The following C1GALT1 variants were observed in gnomAD, a reference collection of about 807,000 sequenced individuals.
The protein encoded by C1GALT1 is core 1 synthase, glycoprotein-N-acetylgalactosamine 3-beta-galactosyltransferase 1, also known as glycoprotein-N-acetylgalactosamine 3-beta-galactosyltransferase 1.
A neutral mutation model predicts 31.0 loss-of-function variants in C1GALT1; 11 were observed. That is an observed-to-expected ratio of 0.36 (90% CI 0.22 to 0.59). The LOEUF is 0.59. C1GALT1 is among the 20% of genes least tolerant of loss of function. The pLI, the probability that C1GALT1 is intolerant of heterozygous loss-of-function variation, is 0.79. For synonymous variants in C1GALT1, 175 were observed against 143.6 expected (o/e 1.22, Z -1.56); for missense variants, 424 against 425.2 (o/e 1.00, Z 0.03).
upstream of C1GALT1, among the ~76,000 whole-genome samples, chr7:7,179,269 T>C (rs1042604200): frequency 2.6e-5 from 4 of 152,218 alleles, no homozygotes; most frequent in Admixed American, 6.5e-5. Flanking sequence ...ATTCTATTCA[T>C]GAGAACAAGT....
chr7:7,223,605 A>G (rs1782612866), intron 1 of C1GALT1, among the ~76,000 whole-genome samples: 2 of 152,062 alleles, frequency 1.3e-5, no homozygotes, highest in African/African-American at 2.4e-5. Flanking sequence ...TGTGTATCTT[A>G]TATCCTGTGA....
chr7:7,236,526 T>G (rs1206237320), intron 2 of C1GALT1, among the ~76,000 whole-genome samples: 1 of 152,004 alleles, frequency 6.6e-6, no homozygotes, highest in Non-Finnish European at 1.5e-5. Flanking sequence ...GAATTTTTAT[T>G]TTTTATTTTT....
At chr7:7,186,440 GCAT>G (rs1583743465) in intron 1 of C1GALT1, among the ~76,000 whole-genome samples, 1 of 152,180 alleles carries the variant, frequency 6.6e-6, no homozygotes, top group Non-Finnish European at 1.5e-5. Flanking sequence ...TGGATCTGCA[GCAT>G]CATCATCACC....
chr7:7,214,713 G>T (rs182483480), intron 1 of C1GALT1, among the ~76,000 whole-genome samples: 48 of 152,276 alleles, frequency 3.2e-4, no homozygotes, highest in Non-Finnish European at 5.6e-4. Context: ...TTGGTTTCCA[G>T]CCCCCAAGCT....
chr7:7,240,192 C>G (rs951130667), intron 3 of C1GALT1, among the ~76,000 whole-genome samples: 1 of 152,222 alleles, frequency 6.6e-6, no homozygotes, highest in African/African-American at 2.4e-5. Context: ...TTGGTTGTTA[C>G]AGCTAGGAGG....
intron 1 of C1GALT1, among the ~76,000 whole-genome samples, chr7:7,215,307 A>G (rs550277388): frequency 5.9e-5 from 9 of 152,340 alleles, no homozygotes; most frequent in Admixed American, 3.9e-4. Context: ...TTATAACTGA[A>G]GACCAACCTC....
rs1562603863 is a variant in C1GALT1 at position 7,245,056 on chromosome 7, A to T, written c.*1329A>T. On this transcript the variant is annotated 3_prime_UTR_variant, in exon 4 of 4. Transcript: ENST00000436587. ...TTAAAGAGTTTCTGAAAGGAAAGAAATTTTTTATTTTTATTATCTTTAGCA... is the reference window on the plus strand; with the variant it reads ...TTAAAGAGTTTCTGAAAGGAAAGAATTTTTTTATTTTTATTATCTTTAGCA... 1 of 152,216 alleles carries T rather than the reference A, an allele frequency of 6.6e-6. No individual in the cohort carries two copies. Among genetic ancestry groups the T allele is most frequent in the East Asian group, 1.9e-4 (1 of 5,204 alleles). The allele number at this position is 152,216 out of a possible 1,614,324, so 9.4% of individuals were successfully genotyped here.
intron 1 of C1GALT1, among the ~76,000 whole-genome samples, chr7:7,202,312 C>T (rs1390805572): frequency 1.3e-5 from 2 of 152,182 alleles, no homozygotes; most frequent in African/African-American, 4.8e-5. Context: ...TGTGAGTCTC[C>T]ACACACTACT....
intron 1 of C1GALT1, among the ~76,000 whole-genome samples, chr7:7,195,009 C>T (rs1356907658): frequency 6.6e-6 from 1 of 152,100 alleles, no homozygotes; most frequent in East Asian, 1.9e-4. Context: ...TCTGTGGTAT[C>T]AATCTAATAT....
chr7:7,213,095 C>T (rs755021694), intron 1 of C1GALT1, among the ~76,000 whole-genome samples: 4 of 152,178 alleles, frequency 2.6e-5, no homozygotes, highest in Non-Finnish European at 5.9e-5. Flanking sequence ...ACTTAGTTAA[C>T]TCTTGTTTTG....
intron 1 of C1GALT1, among the ~76,000 whole-genome samples, chr7:7,207,241 G>A (rs1781780249): frequency 6.7e-6 from 1 of 149,854 alleles, no homozygotes; most frequent in South Asian, 2.1e-4. Flanking sequence ...TCTCTCTAGT[G>A]GATTTTTAAT....
chr7:7,219,028 A>G (rs1782385650), intron 1 of C1GALT1, among the ~76,000 whole-genome samples: 1 of 151,900 alleles, frequency 6.6e-6, no homozygotes, highest in Non-Finnish European at 1.5e-5. Context: ...TAGCAGAGAC[A>G]GGGTTTCACC....
At chr7:7,204,641 A>T (rs1236491151) in intron 1 of C1GALT1, among the ~76,000 whole-genome samples, 2 of 152,094 alleles carry the variant, frequency 1.3e-5, no homozygotes, top group African/African-American at 2.4e-5. Context: ...AAGTTGTAAA[A>T]ATAGGTTCTT....
chr7:7,166,851 A>G (rs1333515978), intron 2 of C1GALT1, among the ~76,000 whole-genome samples: 1 of 152,224 alleles, frequency 6.6e-6, no homozygotes, highest in Non-Finnish European at 1.5e-5. Context: ...GTAGTTATAC[A>G]AGGAGTCCTA....
At chr7:7,175,326 C>G (rs971223147) in intron 2 of C1GALT1, among the ~76,000 whole-genome samples, 33 of 152,250 alleles carry the variant, frequency 2.2e-4, no homozygotes, top group African/African-American at 7.2e-4. Context: ...AGCCAGGGCT[C>G]TACTTCAATT....
rs1391622591 is a variant in C1GALT1, at chr7:7,246,200, T to A, written c.*2473T>A. Reference sequence around the variant, plus strand: ...AAATTTGGGTGTTATACCCCTATTATAGATAAGGAAACTGAGGCTCAGAGA... The same window carrying A: ...AAATTTGGGTGTTATACCCCTATTAAAGATAAGGAAACTGAGGCTCAGAGA... On this transcript the variant is annotated 3_prime_UTR_variant, in exon 4 of 4. Transcript: ENST00000436587. 1 of 148,960 alleles carries A rather than the reference T, an allele frequency of 6.7e-6. No individual in the cohort carries two copies. The highest frequency in any genetic ancestry group is 1.5e-5 in the Non-Finnish European group (1 of 67,510). 9.2% of individuals were successfully genotyped at this position (148,960 alleles called of 1,614,324 possible). A position where few individuals can be genotyped will look rare whatever the true frequency, so the allele number is the denominator to read the frequency against.
intron 1 of C1GALT1, among the ~76,000 whole-genome samples, chr7:7,183,400 G>C (rs960667003): frequency 6.6e-6 from 1 of 152,210 alleles, no homozygotes; most frequent in Admixed American, 6.5e-5. Flanking sequence ...CATCAGGTTT[G>C]TCTGTAGCTG....
At chr7:7,161,656 G>A (rs1206024686) in intron 2 of C1GALT1, among the ~76,000 whole-genome samples, 1 of 151,970 alleles carries the variant, frequency 6.6e-6, no homozygotes, top group African/African-American at 2.4e-5. Context: ...GGACCATGAG[G>A]CTCAGAAAAT....
At chr7:7,230,320 G>A (rs1783008873) in intron 1 of C1GALT1, among the ~76,000 whole-genome samples, 3 of 152,052 alleles carry the variant, frequency 2.0e-5, no homozygotes. Flanking sequence ...CTTAATGAAT[G>A]TCACAGAGAA....
Sources: allele counts gnomAD v4.1 joint callset (sites outside exome capture counted in the v4.1 genomes callset), GRCh38; gene constraint gnomAD v4.1.1; transcripts MANE v1.5; gene names NCBI Gene and HGNC (gene_info 2026-07-23, HGNC 2026-07-21).